HEATR1: variants seen among roughly 807,000 people sequenced by gnomAD.
The protein encoded by HEATR1 is HEAT repeat containing 1.
Under a neutral mutation model 248.2 loss-of-function variants are expected in HEATR1, and 77 were observed. That is an observed-to-expected ratio of 0.31 (90% CI 0.26 to 0.37). The LOEUF (loss-of-function observed/expected upper bound fraction) is 0.37, where lower values mean the gene tolerates loss of function less well. HEATR1 is among the 10% of genes least tolerant of loss of function. HEATR1 has a pLI of 1.00. For missense variants in HEATR1, 2,420 were observed against 2,504.9 expected, an observed-to-expected ratio of 0.97 and a Z score of 0.72; for synonymous variants, 897 against 923.1, an observed-to-expected ratio of 0.97 and a Z score of 0.51.
chr1:236,562,315 A>C (rs191242154), intron 32 of HEATR1, among the ~76,000 whole-genome samples: 28 of 152,300 alleles, frequency 1.8e-4, no homozygotes, highest in Admixed American at 1.6e-3. Context: ...TTTTAAAGGA[A>C]TTCTTTCCTA....
intron 31 of HEATR1, among the ~76,000 whole-genome samples, chr1:236,565,175 G>A (rs776665249): frequency 6.6e-6 from 1 of 152,142 alleles, no homozygotes; most frequent in Non-Finnish European, 1.5e-5. Flanking sequence ...TTACTGCCTC[G>A]CCAAACAGGG....
chr1:236,604,179 C>T (rs1420682790), intron 1 of HEATR1, 52 bp from the exon 2 acceptor site: 68 of 1,426,188 alleles, frequency 4.8e-5, no homozygotes, highest in Admixed American at 2.6e-5. Context: ...TAAGGCGCCT[C>T]GTAAACAAAC....
At chr1:236,584,835 TA>T (rs1216361715) in intron 17 of HEATR1, among the ~76,000 whole-genome samples, 189 bp downstream of exon 17, 1 of 152,154 alleles carries the variant, frequency 6.6e-6, no homozygotes, top group African/African-American at 2.4e-5. Flanking sequence ...ATAATTCAAC[TA>T]AACTTTCCGC....
intron 10 of HEATR1, 65 bp downstream of exon 10, chr1:236,592,458 G>A: frequency 1.4e-6 from 1 of 730,586 alleles, no homozygotes; most frequent in Non-Finnish European, 2.4e-6. Flanking sequence ...GATGTGACTT[G>A]TGAATCATAT....
chr1:236,582,049 A>G (rs1463031582), intron 19 of HEATR1, among the ~76,000 whole-genome samples: 2 of 152,120 alleles, frequency 1.3e-5, no homozygotes, highest in Non-Finnish European at 2.9e-5. Flanking sequence ...TTACAAGTCT[A>G]CTTTTGTTTA....
Position 236,585,056 on chromosome 1 carries a change from AT to A in HEATR1, c.2209del (p.Ile737Ter), listed in dbSNP as rs1663846700. On this transcript the variant is annotated frameshift_variant, in exon 17 of 45. Coordinates refer to ENST00000366582, the MANE Select transcript of HEATR1 (RefSeq NM_018072.6). LOFTEE classifies it high-confidence loss of function. ...IRVFSLLQKK[I>X]KKLESVITAV... ...AGTAATGACACTTTCAAGCTTCTTT[AT>A]TTTTTTCTGCAACAAACTGAAGACT... 1 of 1,613,038 alleles carries A rather than the reference AT, an allele frequency of 6.2e-7. No homozygotes were observed. The highest frequency in any genetic ancestry group is 1.3e-5 in the African/African-American group (1 of 74,744).
intron 2 of HEATR1, among the ~76,000 whole-genome samples, chr1:236,603,592 CTTTTTTTT>C (rs55829950): frequency 7.8e-6 from 1 of 127,412 alleles, no homozygotes; most frequent in Non-Finnish European, 1.7e-5. Context: ...GCAGGGAACA[CTTTTTTTT>C]TTTTTTTTTT....
intron 29 of HEATR1, 111 bp downstream of exon 29, chr1:236,568,885 T>TTAA (rs1553281992): frequency 6.4e-6 from 2 of 313,712 alleles, no homozygotes; most frequent in African/African-American, 3.8e-5. Flanking sequence ...TTGAGGATAT[T>TTAA]AAAAAAAAAA....
At chr1:236,563,475 T>C (rs916831289) in intron 32 of HEATR1, among the ~76,000 whole-genome samples, 1 of 151,896 alleles carries the variant, frequency 6.6e-6, no homozygotes, top group African/African-American at 2.4e-5. Context: ...GTAGAGACCA[T>C]GTTAGCCAGG....
intron 20 of HEATR1, among the ~76,000 whole-genome samples, chr1:236,577,790 A>C (rs1268133590): frequency 6.6e-6 from 1 of 152,142 alleles, no homozygotes; most frequent in African/African-American, 2.4e-5. Flanking sequence ...ACCCGGCCAA[A>C]TCATTATTTT....
intron 3 of HEATR1, among the ~76,000 whole-genome samples, chr1:236,602,559 G>A (rs1458436236): frequency 6.6e-6 from 1 of 152,202 alleles, no homozygotes; most frequent in African/African-American, 2.4e-5. Context: ...TGCCAAGAAA[G>A]CAGCTTAGTA....
At chr1:236,575,576 C>T (rs1363710044) in intron 22 of HEATR1, among the ~76,000 whole-genome samples, 1 of 152,178 alleles carries the variant, frequency 6.6e-6, no homozygotes, top group African/African-American at 2.4e-5. Context: ...CTGAATGCAA[C>T]CTGTTTGTTC....
chr1:236,584,776 G>C (rs1172236469), intron 17 of HEATR1, among the ~76,000 whole-genome samples: 1 of 152,206 alleles, frequency 6.6e-6, no homozygotes, highest in African/African-American at 2.4e-5. Context: ...GACAATAAAA[G>C]AGAGGAGAGT....
chr1:236,593,579 T>TAAAA (rs1558191427), intron 9 of HEATR1, among the ~76,000 whole-genome samples: 1 of 94,810 alleles, frequency 1.1e-5, no homozygotes, highest in African/African-American at 4.4e-5. Context: ...AGTTGCCCAT[T>TAAAA]AAGAGAAAAA....
chr1:236,550,956 C>G lies in HEATR1; in HGVS notation c.6381G>C (p.Lys2127Asn). 1 of 1,521,574 alleles carries G rather than the reference C, an allele frequency of 6.6e-7. No homozygotes were observed. The highest frequency in any genetic ancestry group is 1.4e-5 in the African/African-American group (1 of 71,478). The allele number at this position is 1,521,574 out of a possible 1,614,324, so 94.3% of individuals were successfully genotyped here. A position where few individuals can be genotyped will look rare whatever the true frequency, so the allele number is the denominator to read the frequency against. ...ECEEVEHQCQ[K>N]TIQQLETVLG... The stretch of plus-strand genomic sequence containing the variant: ...GGACAGTTTCCAGTTGCTGAATAGT[C>G]TTTTGGCACTGATGTTCTACTTCTT... Residue 2127 changes from lysine to asparagine, a missense_variant, in exon 45 of 45, where the codon AAG (lysine) becomes AAC (asparagine). Coordinates refer to ENST00000366582, the MANE Select transcript of HEATR1 (RefSeq NM_018072.6).
chr1:236,552,139 AGTAGTGTTACT>A, intron 43 of HEATR1, 32 bp from the exon 44 acceptor site: 4 of 1,401,404 alleles, frequency 2.9e-6, no homozygotes, highest in Non-Finnish European at 4.0e-6. Flanking sequence ...AGAAATAAAA[AGTAGTGTTACT>A]GTATTTATTA....
At chr1:236,586,574 T>C in intron 14 of HEATR1, 122 bp from the exon 15 acceptor site, 1 of 643,990 alleles carries the variant, frequency 1.6e-6, no homozygotes, top group East Asian at 2.7e-5. Flanking sequence ...CCAAAACTAT[T>C]ATTCAGATAC....
Position 236,549,279 on chromosome 1 carries a change from T to G in HEATR1, c.*1623A>C, listed in dbSNP as rs1234466703. 1 of 283,824 alleles carries G rather than the reference T, an allele frequency of 3.5e-6. No individual in the cohort carries two copies. The highest frequency in any genetic ancestry group is 6.5e-6 in the Non-Finnish European group (1 of 153,778). 17.6% of individuals were successfully genotyped at this position (283,824 alleles called of 1,614,324 possible). A position where few individuals can be genotyped will look rare whatever the true frequency, so the allele number is the denominator to read the frequency against. ...GTATCAGCAAGTTAAATGGTTCCAT[T>G]TCTGTGATTTTTCTATTATTTGAGG... On this transcript the variant is annotated 3_prime_UTR_variant, in exon 45 of 45. Transcript: ENST00000366582.
At chr1:236,581,782 C>CA (rs576909437) in intron 19 of HEATR1, among the ~76,000 whole-genome samples, 177 of 152,294 alleles carry the variant, frequency 1.2e-3, no homozygotes, top group African/African-American at 4.0e-3. Flanking sequence ...GGCCTGGCAA[C>CA]ATGGAGGTCA....
Sources: gnomAD v4.1 joint callset for allele counts (sites outside exome capture counted in the v4.1 genomes callset) on GRCh38, gnomAD v4.1.1 for gene constraint, MANE v1.5 for transcripts, NCBI Gene and HGNC (gene_info 2026-07-23, HGNC 2026-07-21) for gene names.